The following PCDHA4 variants were observed in gnomAD, a reference collection of about 807,000 sequenced individuals.
The protein encoded by PCDHA4 is protocadherin alpha 4, also known as protocadherin alpha-4.
Under a neutral mutation model 61.4 loss-of-function variants are expected in PCDHA4, and 49 were observed. The observed-to-expected ratio is 0.80, with a 90% CI of 0.63 to 1.01. The LOEUF (loss-of-function observed/expected upper bound fraction) is 1.01. Among genes scored for constraint, PCDHA4 ranks in the 50% least tolerant of loss-of-function variants. The pLI, the probability that PCDHA4 is intolerant of heterozygous loss-of-function variation, is 0.00. For synonymous variants in PCDHA4, 590 were observed against 550.3 expected, an observed-to-expected ratio of 1.07 and a Z score of -1.01; for missense variants, 1,254 against 1,235.8, an observed-to-expected ratio of 1.01 and a Z score of -0.22.
chr5:140,966,885 C>A (rs1554228854), intron 1 of PCDHA4: 1 of 1,590,816 alleles, frequency 6.3e-7, no homozygotes, highest in Admixed American at 1.7e-5. Flanking sequence ...CCTGGCCCTG[C>A]GGCCTCCCAG....
rs2150198335 is a variant in PCDHA4 at position 140,831,925 on chromosome 5, C to G, written c.2385+22353C>G. Among the ~76,000 whole-genome samples, 3 of 152,254 alleles carry G rather than the reference C, an allele frequency of 2.0e-5. No individual in the cohort carries two copies. In the South Asian group the frequency reaches 6.2e-4, roughly 32 times the overall value. On this transcript the variant is annotated intron_variant, in intron 1 of 3. Transcript: ENST00000530339. ...TAGCAAGTGCTTAAAAAATTTGCTACTAGTTTTCCGAAGAGGAAAAGAAAA... is the reference window on the plus strand; with the variant it reads ...TAGCAAGTGCTTAAAAAATTTGCTAGTAGTTTTCCGAAGAGGAAAAGAAAA...
intron 1 of PCDHA4, among the ~76,000 whole-genome samples, chr5:140,819,726 A>G (rs1766606159): frequency 6.6e-6 from 1 of 152,118 alleles, no homozygotes; most frequent in Admixed American, 6.5e-5. Context: ...TTTAACAGAT[A>G]TGAAAGTGAA....
At chr5:140,929,276 G>A (rs1554206920) in intron 1 of PCDHA4, 2 of 1,604,822 alleles carry the variant, frequency 1.2e-6, no homozygotes, top group African/African-American at 1.3e-5. Flanking sequence ...CCAATATCCT[G>A]TATTCAGATT....
intron 1 of PCDHA4, chr5:140,843,740 C>T (rs2150365873): frequency 1.9e-5 from 29 of 1,536,514 alleles, no homozygotes; most frequent in South Asian, 3.4e-5. Context: ...ATTTAGAACT[C>T]ATAAATTCTA....
chr5:140,919,286 G>A (rs1225686980), intron 1 of PCDHA4, among the ~76,000 whole-genome samples: 9 of 152,096 alleles, frequency 5.9e-5, no homozygotes, highest in Admixed American at 5.9e-4. Flanking sequence ...GCTATCTTGT[G>A]GTTGCTGTTT....
At chr5:140,959,614 G>T (rs1175211325) in intron 1 of PCDHA4, among the ~76,000 whole-genome samples, 1 of 152,024 alleles carries the variant, frequency 6.6e-6, no homozygotes, top group African/African-American at 2.4e-5. Context: ...TTTCTTGCTT[G>T]TGATAGAAAA....
chr5:140,974,146 A>G (rs1208366709), intron 1 of PCDHA4, among the ~76,000 whole-genome samples: 1 of 152,260 alleles, frequency 6.6e-6, no homozygotes, highest in Non-Finnish European at 1.5e-5. Context: ...TGAAAACTAT[A>G]CAAGGGTTTT....
rs782392001 is a variant in PCDHA4 at position 140,857,340 on chromosome 5, C to G, written c.2385+47768C>G. 2.5e-6 allele frequency: 4 copies of G among 1,598,236 alleles called. No individual in the cohort carries two copies. The South Asian group carries it at 4.4e-5, about 18-fold the overall frequency. ...GTGGTGACCGCGCGGGACGGGGGCTCGCCTCCGCTGTGGGCCACGGCCAGC... is the reference window on the plus strand; with the variant it reads ...GTGGTGACCGCGCGGGACGGGGGCTGGCCTCCGCTGTGGGCCACGGCCAGC... On this transcript the variant is annotated intron_variant, in intron 1 of 3. Coordinates refer to ENST00000530339, the MANE Select transcript of PCDHA4 (RefSeq NM_018907.4).
At chr5:140,822,436 C>A in intron 1 of PCDHA4, 1 of 1,613,874 alleles carries the variant, frequency 6.2e-7, no homozygotes, top group South Asian at 1.1e-5. Context: ...AAAACCCGAA[C>A]TAACAGGTAC....
In PCDHA4 at chr5:140,823,392, G is replaced by T. The variant is rs200444377; in HGVS notation, c.2385+13820G>T. On this transcript the variant is annotated intron_variant, in intron 1 of 3. Coordinates refer to ENST00000530339, the MANE Select transcript of PCDHA4 (RefSeq NM_018907.4). ...AGTTCCAGGTGAGCGCGCGCGACGC[G>T]GGCGTGCCGCCTCTGGGCAGCAACG... is the stretch of plus-strand genomic sequence containing the variant. The T allele has an allele frequency of 5.6e-6, 9 of 1,612,814 alleles. No individual in the cohort carries two copies. In the Admixed American group the frequency reaches 1.3e-4, roughly 24 times the overall value.
At position 140,850,257 on chromosome 5, in the gene PCDHA4, G is replaced by A. The variant is rs1371110095; in HGVS notation, c.2385+40685G>A. ...GATGGTGCTGCGGTCGGTGGGCGCC[G>A]GCGTAGTGGTGGGGAAGGTGCGCGC... On this transcript the variant is annotated intron_variant, in intron 1 of 3. Coordinates refer to ENST00000530339, the MANE Select transcript of PCDHA4 (RefSeq NM_018907.4). The A allele has an allele frequency of 6.3e-6, 10 of 1,594,146 alleles. 2 individuals are homozygous for A. Among genetic ancestry groups the A allele is most frequent in the African/African-American group, 1.3e-5 (1 of 74,268 alleles).
chr5:140,966,850 CCTGCTGCTGTTG>C (rs1409933796), intron 1 of PCDHA4: 1 of 1,572,784 alleles, frequency 6.4e-7, no homozygotes, highest in Non-Finnish European at 8.6e-7. Context: ...TACTGCCTCT[CCTGCTGCTGTTG>C]CTGCTGCTGC....
At chr5:140,846,652 G>T (rs910062577) in intron 1 of PCDHA4, among the ~76,000 whole-genome samples, 4 of 149,138 alleles carry the variant, frequency 2.7e-5, no homozygotes, top group African/African-American at 9.8e-5. Context: ...GGGATTACAG[G>T]CATGAGCCAC....
At chr5:140,982,900 C>G (rs1443607900) in intron 3 of PCDHA4, among the ~76,000 whole-genome samples, 1 of 151,932 alleles carries the variant, frequency 6.6e-6, no homozygotes, top group African/African-American at 2.4e-5. Flanking sequence ...ATCTGGTGGC[C>G]TTATGCACAG....
chr5:140,834,220 A>C lies in PCDHA4; in HGVS notation c.2385+24648A>C, dbSNP rs2150214297. ...TACCGCAAATTCTTTCGTAATCAGC[A>C]AAAGGAAGTCATTCCTTTTCGCACT... On this transcript the variant is annotated intron_variant, in intron 1 of 3. Transcript: ENST00000530339. 3,272 of 686,096 alleles carry C rather than the reference A, an allele frequency of 4.8e-3. 83 individuals carry two copies. In the African/African-American group the frequency reaches 0.051, roughly 11 times the overall value. 42.5% of individuals were successfully genotyped at this position (686,096 alleles called of 1,614,324 possible).
rs149975240 is a variant in PCDHA4, at chr5:140,822,914, C to T, written c.2385+13342C>T. On this transcript the variant is annotated intron_variant, in intron 1 of 3. Transcript: ENST00000530339. ...AGCGTGTCTGACCGTGACTCAGGTGCCAACGGGCAGGTGACCTGCTCCCTA... is the reference window on the plus strand; with the variant it reads ...AGCGTGTCTGACCGTGACTCAGGTGTCAACGGGCAGGTGACCTGCTCCCTA... 3,249 of 1,614,244 alleles carry T rather than the reference C, an allele frequency of 2.0e-3. 9 individuals carry two copies. Among genetic ancestry groups the T allele is most frequent in the Non-Finnish European group, 2.0e-3 (2,332 of 1,180,052 alleles).
rs2150107729 is a variant in PCDHA4, at chr5:140,820,707, A to G, written c.2385+11135A>G. ...ATAAAATGATATTCTTTTCAACATG[A>G]TTATATTTACTGGAACCTAAACATT... On this transcript the variant is annotated intron_variant, in intron 1 of 3. Coordinates refer to ENST00000530339, the MANE Select transcript of PCDHA4 (RefSeq NM_018907.4). Among the ~76,000 whole-genome samples the G allele has an allele frequency of 7.0e-4, 106 of 152,222 alleles. 2 individuals carry two copies. Among genetic ancestry groups the G allele is most frequent in the Admixed American group, 6.3e-3 (96 of 15,296 alleles).
At chr5:140,822,402 A>G (rs2150116110) in intron 1 of PCDHA4, 3 of 1,614,150 alleles carry the variant, frequency 1.9e-6, no homozygotes, top group Non-Finnish European at 2.5e-6. Context: ...AACACCGTTT[A>G]TTAGTGATTG....
chr5:141,004,124 C>T (rs1225012224), intron 3 of PCDHA4, among the ~76,000 whole-genome samples: 1 of 152,202 alleles, frequency 6.6e-6, no homozygotes, highest in Non-Finnish European at 1.5e-5. Context: ...GGAGTATCTC[C>T]ATGATTCTGC....
Sources: allele counts gnomAD v4.1 joint callset (sites outside exome capture counted in the v4.1 genomes callset), GRCh38; gene constraint gnomAD v4.1.1; transcripts MANE v1.5; gene names NCBI Gene and HGNC (gene_info 2026-07-23, HGNC 2026-07-21).